Variants in CNTNAP2 observed in about 807,000 individuals in gnomAD.
CNTNAP2 encodes the protein contactin associated protein 2.
In CNTNAP2, 98 loss-of-function variants were observed where a neutral mutation model predicts 155.2. The observed-to-expected ratio is 0.63, with a 90% CI of 0.54 to 0.75. The LOEUF is 0.75. Ranked by LOEUF, CNTNAP2 falls within the 30% of genes least tolerant of loss-of-function variation. The probability of loss-of-function intolerance (pLI) is 0.00; values close to 1 mark genes in which losing one functional copy is unlikely to be tolerated. For missense variants in CNTNAP2, 1,727 were observed against 1,688.1 expected (o/e 1.02, Z -0.40); for synonymous variants, 651 against 631.2 (o/e 1.03, Z -0.47).
At chr7:146,861,301 C>T (rs939842245) in intron 3 of CNTNAP2, among the ~76,000 whole-genome samples, 4 of 152,218 alleles carry the variant, frequency 2.6e-5, no homozygotes, top group South Asian at 2.1e-4. Flanking sequence ...GATCCACCTG[C>T]CTCGGCCTCC....
At chr7:148,365,176 C>T (rs750964052) in intron 21 of CNTNAP2, among the ~76,000 whole-genome samples, 2 of 152,176 alleles carry the variant, frequency 1.3e-5, no homozygotes, top group Non-Finnish European at 1.5e-5. Flanking sequence ...GCTCCTGCTA[C>T]CTAGAGTAGC....
At chr7:147,237,740 CA>C (rs1390416849) in intron 8 of CNTNAP2, among the ~76,000 whole-genome samples, 1 of 152,138 alleles carries the variant, frequency 6.6e-6, no homozygotes, top group Non-Finnish European at 1.5e-5. Context: ...TACAAGTACA[CA>C]GTGGTGGAAA....
In CNTNAP2 at chr7:148,383,873, G is replaced by C; in HGVS notation, c.3700G>C (p.Asp1234His). ...GTCCGCCACCGACCCCTGGCACCTG[G>C]ATCACCTGGATTCAGGTAAAGTCTT... ...MSSATDPWHLDHLDSASADFP... is the reference protein window; with the variant it reads ...MSSATDPWHLHHLDSASADFP... The change falls in exon 22 of 24, where the codon GAT becomes CAT. Residue 1234 changes from aspartate to histidine, a missense_variant. Asp to His is a moderately conservative substitution (Grantham distance 81). Transcript: ENST00000361727. 1.2e-6 allele frequency: 2 copies of C among 1,613,780 alleles called. No individual in the cohort carries two copies. Among genetic ancestry groups the C allele is most frequent in the South Asian group, 2.2e-5 (2 of 91,042 alleles).
intron 1 of CNTNAP2, among the ~76,000 whole-genome samples, chr7:146,758,485 C>T (rs1318093489): frequency 2.0e-5 from 3 of 152,044 alleles, no homozygotes; most frequent in Admixed American, 1.3e-4. Context: ...TAAAGTCATA[C>T]CAGAGACTGG....
chr7:146,644,070 A>G lies in CNTNAP2; in HGVS notation c.98-130201A>G, dbSNP rs990267120. Among the ~76,000 whole-genome samples, 5 of 152,306 alleles carry G rather than the reference A, an allele frequency of 3.3e-5. No homozygotes were observed. The South Asian group carries it at 6.2e-4, about 19-fold the overall frequency. On this transcript the variant is annotated intron_variant, in intron 1 of 23. Transcript: ENST00000361727. ...TTTAAGGAGATTTTGGGCTGAAACA[A>G]TGGGGTTTTCTAGATATACAATCAT...
At chr7:147,932,655 ATTTC>A (rs1349036840) in intron 14 of CNTNAP2, among the ~76,000 whole-genome samples, 1 of 152,198 alleles carries the variant, frequency 6.6e-6, no homozygotes, top group African/African-American at 2.4e-5. Context: ...CTTTGCAATG[ATTTC>A]TTGGATATGA....
intron 9 of CNTNAP2, among the ~76,000 whole-genome samples, chr7:147,347,200 A>G (rs146614692): frequency 8.6e-5 from 13 of 152,026 alleles, no homozygotes; most frequent in African/African-American, 2.7e-4. Flanking sequence ...AATATGAGCC[A>G]TTTGTGGAAG....
chr7:146,448,519 T>A (rs1267375380), intron 1 of CNTNAP2, among the ~76,000 whole-genome samples: 3 of 152,128 alleles, frequency 2.0e-5, no homozygotes, highest in East Asian at 3.9e-4. Flanking sequence ...TTGTTTTTTT[T>A]TTATTATACT....
intron 2 of CNTNAP2, among the ~76,000 whole-genome samples, chr7:146,781,580 G>A (rs1397774139): frequency 6.6e-6 from 1 of 152,000 alleles, no homozygotes; most frequent in Non-Finnish European, 1.5e-5. Flanking sequence ...ACATACACAT[G>A]TCCCCCTCCG....
chr7:147,642,512 C>A (rs563406861), intron 13 of CNTNAP2, among the ~76,000 whole-genome samples: 6 of 152,178 alleles, frequency 3.9e-5, no homozygotes, highest in African/African-American at 1.4e-4. Context: ...CACCGTGAAG[C>A]CTCACACACA....
At chr7:146,496,101 C>T (rs1797211186) in intron 1 of CNTNAP2, among the ~76,000 whole-genome samples, 1 of 152,118 alleles carries the variant, frequency 6.6e-6, no homozygotes, top group African/African-American at 2.4e-5. Flanking sequence ...CACAGCTCTT[C>T]CCTGCCCTGA....
At chr7:146,574,030 T>C (rs1390073469) in intron 1 of CNTNAP2, among the ~76,000 whole-genome samples, 7 of 152,148 alleles carry the variant, frequency 4.6e-5, no homozygotes, top group Admixed American at 4.6e-4. Flanking sequence ...TAACAAGAAA[T>C]AGAGGCTCAC....
chr7:147,520,316 T>C (rs1348483784), intron 11 of CNTNAP2, among the ~76,000 whole-genome samples: 1 of 149,656 alleles, frequency 6.7e-6, no homozygotes, highest in Non-Finnish European at 1.5e-5. Context: ...ATAAGTTACA[T>C]TTCTTATAGC....
intron 19 of CNTNAP2, among the ~76,000 whole-genome samples, chr7:148,223,882 A>G (rs1184767790): frequency 6.6e-6 from 1 of 152,230 alleles, no homozygotes; most frequent in East Asian, 1.9e-4. Flanking sequence ...GGCCAGTGAC[A>G]AAGTGACAGC....
chr7:146,969,048 C>T (rs989140729), intron 3 of CNTNAP2, among the ~76,000 whole-genome samples: 3 of 150,206 alleles, frequency 2.0e-5, no homozygotes, highest in Non-Finnish European at 4.4e-5. Flanking sequence ...ATCTTTATTT[C>T]TGCCTTCATT....
chr7:146,985,308 ATTTTTTTT>A (rs71165057), intron 3 of CNTNAP2, among the ~76,000 whole-genome samples: 3 of 127,854 alleles, frequency 2.3e-5, no homozygotes, highest in African/African-American at 9.4e-5. Context: ...AAATGCTTGA[ATTTTTTTT>A]TTTTTTTTTT....
intron 13 of CNTNAP2, among the ~76,000 whole-genome samples, chr7:147,875,151 T>C (rs1347779056): frequency 6.6e-6 from 1 of 152,230 alleles, no homozygotes; most frequent in Admixed American, 6.5e-5. Context: ...TAGGTATCTT[T>C]ATATCAGTAC....
chr7:146,691,320 A>G (rs1189515351), intron 1 of CNTNAP2, among the ~76,000 whole-genome samples: 1 of 151,606 alleles, frequency 6.6e-6, no homozygotes, highest in Non-Finnish European at 1.5e-5. Context: ...CAATAAACCC[A>G]TTGTATGTTG....
At chr7:146,469,792 T>C (rs1254891764) in intron 1 of CNTNAP2, among the ~76,000 whole-genome samples, 1 of 150,508 alleles carries the variant, frequency 6.6e-6, no homozygotes, top group African/African-American at 2.4e-5. Flanking sequence ...CCTCCCAAAG[T>C]GTGCTGGGAT....
Sources: gnomAD v4.1 joint callset for allele counts (sites outside exome capture counted in the v4.1 genomes callset) on GRCh38, gnomAD v4.1.1 for gene constraint, MANE v1.5 for transcripts, NCBI Gene and HGNC (gene_info 2026-07-23, HGNC 2026-07-21) for gene names.